Variants in ASTN1 observed in about 807,000 individuals in gnomAD.
ASTN1 encodes astrotactin-1.
In ASTN1, 41 loss-of-function variants were observed where a neutral mutation model predicts 140.7. That is an observed-to-expected ratio of 0.29 (90% CI 0.23 to 0.38). The LOEUF (loss-of-function observed/expected upper bound fraction) is 0.38. Among genes scored for constraint, ASTN1 ranks in the 10% least tolerant of loss-of-function variants. The pLI is 1.00. For missense variants in ASTN1, 1,479 were observed against 1,678.8 expected (o/e 0.88, Z 2.08); for synonymous variants, 640 against 652.2 (o/e 0.98, Z 0.29).
intron 16 of ASTN1, among the ~76,000 whole-genome samples, chr1:176,909,513 G>C (rs1158306914): frequency 6.6e-6 from 1 of 152,158 alleles, no homozygotes; most frequent in Non-Finnish European, 1.5e-5. Context: ...TGATCATCCT[G>C]AGCTTTAGCT....
At chr1:177,127,638 C>T (rs937897161) in intron 1 of ASTN1, among the ~76,000 whole-genome samples, 18 of 152,258 alleles carry the variant, frequency 1.2e-4, no homozygotes, top group African/African-American at 4.3e-4. Flanking sequence ...ACCTGAGGGC[C>T]CAGAGGTCCC....
At chr1:176,877,326 T>A in intron 20 of ASTN1, among the ~76,000 whole-genome samples, 1 of 152,192 alleles carries the variant, frequency 6.6e-6, no homozygotes, top group Admixed American at 6.5e-5. Context: ...CGGGGACAGC[T>A]TCCCTCTTTA....
At chr1:177,085,931 A>C (rs569217313) in intron 1 of ASTN1, among the ~76,000 whole-genome samples, 2 of 152,280 alleles carry the variant, frequency 1.3e-5, no homozygotes, top group South Asian at 4.2e-4. Context: ...CACATGTCCA[A>C]GTCCATTGGG....
intron 8 of ASTN1, among the ~76,000 whole-genome samples, chr1:176,990,642 G>T (rs2101896133): frequency 6.6e-6 from 1 of 152,192 alleles, no homozygotes. Context: ...AGAAAATATG[G>T]CTGTTAAAGG....
chr1:176,893,127 C>G (rs952054397), intron 17 of ASTN1, among the ~76,000 whole-genome samples: 1 of 152,240 alleles, frequency 6.6e-6, no homozygotes, highest in Admixed American at 6.5e-5. Flanking sequence ...ACGATGTACT[C>G]TCTCATCTCC....
intron 8 of ASTN1, chr1:176,981,701 G>T (rs1387102372): frequency 6.5e-6 from 1 of 152,812 alleles, no homozygotes; most frequent in Non-Finnish European, 1.5e-5. Context: ...ATGAAGGAGA[G>T]AGAGGAGTCT....
At chr1:177,071,860 T>G (rs920823082) in intron 1 of ASTN1, among the ~76,000 whole-genome samples, 1 of 152,190 alleles carries the variant, frequency 6.6e-6, no homozygotes, top group African/African-American at 2.4e-5. Flanking sequence ...TCATTCAGCC[T>G]GAGAAAGTGG....
chr1:177,066,227 G>A (rs1192252084), intron 1 of ASTN1, among the ~76,000 whole-genome samples: 5 of 152,124 alleles, frequency 3.3e-5, no homozygotes, highest in Non-Finnish European at 1.5e-5. Context: ...GCCTTCCAGA[G>A]CCAGGCCATG....
chr1:176,960,919 A>G (rs1672629715), intron 9 of ASTN1, among the ~76,000 whole-genome samples: 1 of 152,074 alleles, frequency 6.6e-6, no homozygotes, highest in Non-Finnish European at 1.5e-5. Context: ...CAGGCTGAAC[A>G]AGGGGCTGAG....
chr1:176,919,155 C>T (rs1418413154), intron 16 of ASTN1, among the ~76,000 whole-genome samples: 3 of 152,202 alleles, frequency 2.0e-5, no homozygotes, highest in Non-Finnish European at 4.4e-5. Flanking sequence ...TTCACACCTA[C>T]TCTAACAAAG....
intron 16 of ASTN1, among the ~76,000 whole-genome samples, chr1:176,917,565 G>A (rs1219954990): frequency 6.6e-6 from 1 of 152,174 alleles, no homozygotes; most frequent in East Asian, 1.9e-4. Context: ...TAGCAGAAGG[G>A]AAAACAAATG....
chr1:176,891,976 A>T (rs1256381150), intron 17 of ASTN1, among the ~76,000 whole-genome samples: 1 of 152,216 alleles, frequency 6.6e-6, no homozygotes, highest in Non-Finnish European at 1.5e-5. Flanking sequence ...CTGAAGTAAC[A>T]GCAGGACTTT....
At chr1:177,112,612 C>G (rs1246719496) in intron 1 of ASTN1, among the ~76,000 whole-genome samples, 5 of 152,216 alleles carry the variant, frequency 3.3e-5, no homozygotes, top group Non-Finnish European at 5.9e-5. Context: ...TTTGCTCCCT[C>G]CCAAACAGGC....
At chr1:177,117,870 T>G (rs2102171825) in intron 1 of ASTN1, among the ~76,000 whole-genome samples, 1 of 152,312 alleles carries the variant, frequency 6.6e-6, no homozygotes, top group South Asian at 2.1e-4. Context: ...TCTATAAAAC[T>G]TTTCTGTCCT....
At chr1:176,972,747 TAGTAGAAAACA>T (rs1673192942) in intron 8 of ASTN1, among the ~76,000 whole-genome samples, 1 of 152,214 alleles carries the variant, frequency 6.6e-6, no homozygotes, top group African/African-American at 2.4e-5. Flanking sequence ...TAATGTCTAT[TAGTAGAAAACA>T]AACTTATTTA....
intron 1 of ASTN1, among the ~76,000 whole-genome samples, chr1:177,110,342 G>C (rs1680763701): frequency 6.6e-6 from 1 of 152,200 alleles, no homozygotes; most frequent in African/African-American, 2.4e-5. Flanking sequence ...ACATTTCAAA[G>C]TTAATTTATT....
At position 177,164,544 on chromosome 1, in the gene ASTN1, G is replaced by T; in HGVS notation, c.133C>A (p.Leu45Met). The T allele has an allele frequency of 6.2e-7, 1 of 1,613,996 alleles. No individual in the cohort carries two copies. Among genetic ancestry groups the T allele is most frequent in the Non-Finnish European group, 8.5e-7 (1 of 1,179,944 alleles). The change falls in exon 1 of 23, where the codon CTG becomes ATG. Residue 45 changes from leucine (L) to methionine (M), a missense_variant. Around this residue, in one of 3 missense-constraint regions of ASTN1, gnomAD observed 729 missense variants for 860.4 expected, o/e 0.85. Coordinates refer to ENST00000361833, the MANE Select transcript of ASTN1 (RefSeq NM_004319.3). ...CKLKSITVSA[L>M]PFLRENDLSI... is the part of the protein sequence containing the mutation. The stretch of plus-strand genomic sequence containing the variant: ...AGGTCGTTCTCGCGCAGGAAGGGCA[G>T]TGCCGACACCGTGATGCTTTTGAGC...
chr1:176,861,197 A>G lies in ASTN1; in HGVS notation c.*3087T>C. ...TTATATTCTTTCTTCCTTCTGCAGT[A>G]GTAAAGTGTTTTTCTTCATACTCAG... On this transcript the variant is annotated 3_prime_UTR_variant, in exon 23 of 23. Coordinates refer to ENST00000361833, the MANE Select transcript of ASTN1 (RefSeq NM_004319.3). 1 of 968,752 alleles carries G rather than the reference A, an allele frequency of 1.0e-6. No individual in the cohort carries two copies. The highest frequency in any genetic ancestry group is 4.8e-5 in the South Asian group (1 of 20,912). The allele number at this position is 968,752 out of a possible 1,614,324, so 60.0% of individuals were successfully genotyped here. A position where few individuals can be genotyped will look rare whatever the true frequency, so the allele number is the denominator to read the frequency against.
At chr1:176,990,651 G>A (rs1571614553) in intron 8 of ASTN1, among the ~76,000 whole-genome samples, 1 of 152,066 alleles carries the variant, frequency 6.6e-6, no homozygotes, top group Non-Finnish European at 1.5e-5. Flanking sequence ...GGCTGTTAAA[G>A]GACTCTAAAA....
Sources: allele counts gnomAD v4.1 joint callset (sites outside exome capture counted in the v4.1 genomes callset), GRCh38; gene constraint gnomAD v4.1.1; regional missense constraint gnomAD v4.1.1; transcripts MANE v1.5; gene names NCBI Gene and HGNC (gene_info 2026-07-23, HGNC 2026-07-21).